The following TBC1D8 variants were observed in gnomAD, a reference collection of about 807,000 sequenced individuals.
The protein encoded by TBC1D8 is BUB2-like protein 1.
Under a neutral mutation model 118.8 loss-of-function variants are expected in TBC1D8, and 65 were observed. The ratio of observed to expected loss-of-function variants is 0.55; its 90% CI spans 0.45 to 0.67. The LOEUF (loss-of-function observed/expected upper bound fraction) is 0.67. Among genes scored for constraint, TBC1D8 ranks in the 30% least tolerant of loss-of-function variants. TBC1D8 has a pLI of 0.00. For synonymous variants in TBC1D8, 566 were observed against 595.8 expected (o/e 0.95, Z 0.73); for missense variants, 1,376 against 1,471.2 (o/e 0.94, Z 1.06).
At chr2:101,036,708 T>C (rs940484363) in intron 8 of TBC1D8, among the ~76,000 whole-genome samples, 2 of 152,200 alleles carry the variant, frequency 1.3e-5, no homozygotes, top group East Asian at 3.8e-4. Context: ...TCTAGGCAAC[T>C]GAAAATACTT....
chr2:101,037,572 G>T lies in TBC1D8; in HGVS notation c.1412C>A (p.Ala471Asp). 1 of 1,613,162 alleles carries T rather than the reference G, an allele frequency of 6.2e-7. No homozygotes were observed. Among genetic ancestry groups the T allele is most frequent in the Non-Finnish European group, 8.5e-7 (1 of 1,179,886 alleles). ...GCTCTGGCTGCCTGACTGCTGGAAGGCGGTGACCAGGGCATCGGGGTGCAT... is the reference window on the plus strand; with the variant it reads ...GCTCTGGCTGCCTGACTGCTGGAAGTCGGTGACCAGGGCATCGGGGTGCAT... Reference protein sequence around the residue: ...PLMHPDALVTAFQQSGSQSPD... With the variant: ...PLMHPDALVTDFQQSGSQSPD... Residue 471 changes from alanine to aspartate, a missense_variant, in exon 8 of 20, where the codon GCC becomes GAC. Ala to Asp is a moderately radical substitution (Grantham distance 126). Transcript: ENST00000409318.
At chr2:101,133,440 G>A (rs184996645) in intron 1 of TBC1D8, among the ~76,000 whole-genome samples, 124 of 151,856 alleles carry the variant, frequency 8.2e-4, no homozygotes, top group Admixed American at 1.4e-3. Flanking sequence ...AGTCCATTTC[G>A]GATGCTATAA....
chr2:101,129,584 C>T (rs1291570153), intron 1 of TBC1D8, among the ~76,000 whole-genome samples: 1 of 152,138 alleles, frequency 6.6e-6, no homozygotes, highest in East Asian at 1.9e-4. Flanking sequence ...CAGGAACACC[C>T]ACATTTCAGG....
chr2:101,034,561 C>T (rs1033277789), intron 9 of TBC1D8, among the ~76,000 whole-genome samples: 6 of 152,176 alleles, frequency 3.9e-5, no homozygotes, highest in Admixed American at 2.0e-4. Flanking sequence ...CCTCAGCGGG[C>T]GGGCAAGATG....
chr2:101,122,383 CAAAAAAAAAA>C (rs70943064), intron 1 of TBC1D8, among the ~76,000 whole-genome samples: 25 of 71,942 alleles, frequency 3.5e-4, no homozygotes, highest in East Asian at 1.6e-3. Flanking sequence ...GACTCCATTT[CAAAAAAAAAA>C]AAAAAAAAAA....
rs566448011 is a variant in TBC1D8 at position 101,130,025 on chromosome 2, G to A, written c.127+21102C>T. On this transcript the variant is annotated intron_variant, in intron 1 of 19. Transcript: ENST00000409318. ...CCCCAGCTTGTTCATCTGTAAAAAG[G>A]GGTACGAGCTGGTGGGCTCCAAGAT... Among the ~76,000 whole-genome samples, 3 of 152,302 alleles carry A rather than the reference G, an allele frequency of 2.0e-5. No homozygotes were observed. The South Asian group carries it at 6.2e-4, about 32-fold the overall frequency.
At chr2:101,013,156 C>A (rs1481683517) in intron 17 of TBC1D8, among the ~76,000 whole-genome samples, 1 of 152,166 alleles carries the variant, frequency 6.6e-6, no homozygotes, top group African/African-American at 2.4e-5. Context: ...TTAACAGTGA[C>A]AAGGAGCTGA....
intron 1 of TBC1D8, among the ~76,000 whole-genome samples, chr2:101,125,273 C>T (rs1355991122): frequency 2.0e-5 from 3 of 152,146 alleles, no homozygotes; most frequent in African/African-American, 2.4e-5. Flanking sequence ...TAACCACTCC[C>T]TTCTAAGAGT....
intron 1 of TBC1D8, among the ~76,000 whole-genome samples, chr2:101,108,818 C>T (rs781404027): frequency 2.7e-5 from 4 of 149,732 alleles, no homozygotes; most frequent in Non-Finnish European, 4.4e-5. Flanking sequence ...TCCTTTGTCA[C>T]GGGGACCTAA....
intron 5 of TBC1D8, among the ~76,000 whole-genome samples, chr2:101,044,606 C>A (rs1019084542): frequency 3.3e-5 from 5 of 152,192 alleles, no homozygotes; most frequent in African/African-American, 1.2e-4. Context: ...GCCTGTAGGT[C>A]ACCGCAGAAG....
intron 19 of TBC1D8, among the ~76,000 whole-genome samples, chr2:101,010,327 G>A (rs1014809691): frequency 4.6e-5 from 7 of 152,162 alleles, no homozygotes; most frequent in Non-Finnish European, 1.0e-4. Flanking sequence ...AGGGAAGAAT[G>A]CTGTATCCAC....
intron 1 of TBC1D8, among the ~76,000 whole-genome samples, chr2:101,101,964 A>T (rs1189048991): frequency 6.6e-6 from 1 of 150,998 alleles, no homozygotes. Context: ...CATGGTACAC[A>T]TATACCTATG....
chr2:101,022,165 G>A, intron 16 of TBC1D8, 116 bp downstream of exon 16: 1 of 1,495,182 alleles, frequency 6.7e-7, no homozygotes, highest in South Asian at 1.3e-5. Context: ...TTCATGTCAG[G>A]CCAGTCACAA....
intron 1 of TBC1D8, among the ~76,000 whole-genome samples, chr2:101,120,271 GC>G (rs1383164156): frequency 3.9e-5 from 6 of 152,180 alleles, no homozygotes; most frequent in Non-Finnish European, 5.9e-5. Context: ...TCTCTCATGT[GC>G]CCGGCCTTCC....
intron 1 of TBC1D8, among the ~76,000 whole-genome samples, chr2:101,096,796 G>GGAGAGA (rs139584234): frequency 0.12 from 16,979 of 146,386 alleles, 994 homozygotes; most frequent in Non-Finnish European, 0.12. Context: ...AGAGAGAGGG[G>GGAGAGA]GAGAGAGAGA....
chr2:101,022,216 C>G, intron 16 of TBC1D8, 65 bp downstream of exon 16: 1 of 1,606,358 alleles, frequency 6.2e-7, no homozygotes, highest in East Asian at 2.2e-5. Context: ...CGAAGATCCA[C>G]TTTGTGTTCT....
intron 1 of TBC1D8, among the ~76,000 whole-genome samples, chr2:101,143,871 G>C (rs1364290473): frequency 6.6e-6 from 1 of 152,186 alleles, no homozygotes; most frequent in African/African-American, 2.4e-5. Flanking sequence ...TCAACAGGTA[G>C]TCCTAACAGC....
intron 1 of TBC1D8, among the ~76,000 whole-genome samples, chr2:101,093,072 T>A (rs1676145976): frequency 6.6e-6 from 1 of 152,178 alleles, no homozygotes; most frequent in African/African-American, 2.4e-5. Flanking sequence ...CGATGATCCC[T>A]TCCACTTAAT....
chr2:101,087,466 A>C (rs1675713120), intron 2 of TBC1D8, among the ~76,000 whole-genome samples: 1 of 151,818 alleles, frequency 6.6e-6, no homozygotes, highest in African/African-American at 2.4e-5. Context: ...TAAAAAAAAA[A>C]CCCTGTCTCT....
Sources: allele counts gnomAD v4.1 joint callset (sites outside exome capture counted in the v4.1 genomes callset), GRCh38; gene constraint gnomAD v4.1.1; transcripts MANE v1.5; gene names NCBI Gene and HGNC (gene_info 2026-07-23, HGNC 2026-07-21).